TRPM2: variants seen among roughly 807,000 people sequenced by gnomAD.
TRPM2 encodes estrogen-responsive element-associated gene 1 protein.
Under a neutral mutation model 174.0 loss-of-function variants are expected in TRPM2, and 161 were observed. The observed-to-expected ratio is 0.93, with a 90% CI of 0.81 to 1.05. The LOEUF (loss-of-function observed/expected upper bound fraction) is 1.05. Ranked by LOEUF, TRPM2 falls within the 50% of genes least tolerant of loss-of-function variation. The probability of loss-of-function intolerance (pLI) is 0.00; values close to 1 mark genes in which losing one functional copy is unlikely to be tolerated. For missense variants in TRPM2, 2,057 were observed against 2,038.0 expected, an observed-to-expected ratio of 1.01 and a Z score of -0.18; for synonymous variants, 954 against 861.3, an observed-to-expected ratio of 1.11 and a Z score of -1.88.
intron 26 of TRPM2, 91 bp downstream of exon 26, chr21:44,426,827 C>G (rs1173254068): frequency 1.3e-6 from 2 of 1,528,130 alleles, no homozygotes; most frequent in Non-Finnish European, 1.8e-6. Context: ...GAGCCCAGCC[C>G]GGGGAGGTCC....
intron 22 of TRPM2, among the ~76,000 whole-genome samples, chr21:44,422,699 A>G (rs1204989419): frequency 6.6e-6 from 1 of 152,214 alleles, no homozygotes; most frequent in Non-Finnish European, 1.5e-5. Context: ...TTAACCATAA[A>G]CACAGCAGGC....
intron 16 of TRPM2, among the ~76,000 whole-genome samples, chr21:44,402,145 C>T (rs1006246549): frequency 3.3e-5 from 5 of 152,122 alleles, no homozygotes; most frequent in African/African-American, 7.2e-5. Flanking sequence ...TCCTGGAGAC[C>T]GGCTGATCAG....
intron 6 of TRPM2, 68 bp from the exon 7 acceptor site, chr21:44,377,644 G>C (rs1004180596): frequency 1.3e-6 from 2 of 1,597,780 alleles, no homozygotes; most frequent in Non-Finnish European, 1.7e-6. Flanking sequence ...CTTTGTTCAG[G>C]TGTGGCCCTC....
rs555455003 is a variant in TRPM2 at position 44,429,869 on chromosome 21, C to T, written c.3974+2758C>T. ...TATTAACAGGCTTCCTTGTTTCTGA[C>T]TTAATGGAAATGCTATCAACATTTC... is the stretch of plus-strand genomic sequence containing the variant. On this transcript the variant is annotated intron_variant, in intron 27 of 31. Transcript: ENST00000397928. Among the ~76,000 whole-genome samples, 20 of 152,218 alleles carry T rather than the reference C, an allele frequency of 1.3e-4. No individual in the cohort carries two copies. The South Asian group carries it at 3.9e-3, about 30-fold the overall frequency.
At position 44,406,762 on chromosome 21, in the gene TRPM2, G is replaced by C. The variant is rs528691267; in HGVS notation, c.2959G>C (p.Asp987His). The C allele has an allele frequency of 2.1e-5, 34 of 1,600,790 alleles. No homozygotes were observed. Among genetic ancestry groups the C allele is most frequent in the Non-Finnish European group, 2.9e-5 (34 of 1,175,794 alleles). The change falls in exon 19 of 32, where the codon GAC becomes CAC. Residue 987 changes from aspartate (D) to histidine (H), a missense_variant. Transcript: ENST00000397928. The part of the protein sequence containing the change: ...TIFGQIPGYI[D>H]GVNFNPEHCS... ...CTTCGGGCAGATCCCGGGCTACATCGACGGTAGGAGCCGGGCGCCATGGGA... is the reference window on the plus strand; with the variant it reads ...CTTCGGGCAGATCCCGGGCTACATCCACGGTAGGAGCCGGGCGCCATGGGA...
intron 2 of TRPM2, among the ~76,000 whole-genome samples, chr21:44,363,385 T>G (rs1310765756): frequency 6.6e-6 from 1 of 152,202 alleles, no homozygotes; most frequent in Non-Finnish European, 1.5e-5. Context: ...TTTCTCTCTG[T>G]TGTTCTTATT....
intron 19 of TRPM2, among the ~76,000 whole-genome samples, chr21:44,410,908 TTGGC>T (rs1410267298): frequency 5.5e-5 from 8 of 145,934 alleles, no homozygotes; most frequent in South Asian, 2.2e-4. Context: ...ACTGTCTTGG[TTGGC>T]GTAGCCTTGT....
rs764215002 is a variant in TRPM2, at chr21:44,405,941, C to G, written c.2694C>G (p.Ile898Met). Reference sequence around the variant, plus strand: ...CGACGCTGTACCCCGGGCGCGTCATCCTCTCTCTGGACTTCATCCTGTTCT... The same window carrying G: ...CGACGCTGTACCCCGGGCGCGTCATGCTCTCTCTGGACTTCATCCTGTTCT... ...IPATLYPGRVILSLDFILFCL... is the reference protein window; with the variant it reads ...IPATLYPGRVMLSLDFILFCL... Residue 898 changes from isoleucine (I) to methionine (M), a missense_variant, in exon 18 of 32, where the codon ATC becomes ATG. Coordinates refer to ENST00000397928, the MANE Select transcript of TRPM2 (RefSeq NM_003307.4). The G allele has an allele frequency of 9.3e-6, 15 of 1,607,520 alleles. No homozygotes were observed. The East Asian group carries it at 3.3e-4, about 36-fold the overall frequency.
At chr21:44,394,317 CTTTTTTT>C (rs35448660) in intron 11 of TRPM2, among the ~76,000 whole-genome samples, 1 of 112,688 alleles carries the variant, frequency 8.9e-6, no homozygotes, top group Non-Finnish European at 1.9e-5. Context: ...AAACACATTT[CTTTTTTT>C]TTTTTTTTTT....
At chr21:44,385,335 CAT>C (rs2048989027) in intron 9 of TRPM2, among the ~76,000 whole-genome samples, 1 of 152,176 alleles carries the variant, frequency 6.6e-6, no homozygotes, top group African/African-American at 2.4e-5. Flanking sequence ...AAGACTGGGA[CAT>C]AGCAAAAACA....
chr21:44,403,536 A>G (rs1025666072), intron 16 of TRPM2, among the ~76,000 whole-genome samples: 1 of 150,750 alleles, frequency 6.6e-6, no homozygotes, highest in Non-Finnish European at 1.5e-5. Context: ...AAATGCACAC[A>G]CACATAGGCA....
chr21:44,380,728 G>A (rs1334660732), intron 8 of TRPM2, among the ~76,000 whole-genome samples: 2 of 152,198 alleles, frequency 1.3e-5, no homozygotes, highest in African/African-American at 2.4e-5. Flanking sequence ...GCTGGTGGGC[G>A]GCCCCGTCAG....
In TRPM2 at chr21:44,425,830, G is replaced by A. The variant is rs370649950; in HGVS notation, c.3795+3G>A. 122 of 1,564,944 alleles carry A rather than the reference G, an allele frequency of 7.8e-5. No homozygotes were observed. Among genetic ancestry groups the A allele is most frequent in the Middle Eastern group, 2.2e-4 (1 of 4,638 alleles). ...CCAACGAGAAGGTGCCCTGGGAGGT[G>A]AGCGCCTGCCCAAGCCCAACCAGGC... On this transcript the variant is annotated splice_donor_region_variant and intron_variant, in intron 25 of 31. Coordinates refer to ENST00000397928, the MANE Select transcript of TRPM2 (RefSeq NM_003307.4).
At position 44,371,307 on chromosome 21, in the gene TRPM2, G is replaced by A. The variant is rs865850097; in HGVS notation, c.771+1964G>A. 5.6e-3 allele frequency among the ~76,000 whole-genome samples: 656 copies of A among 118,164 alleles called. 7 individuals carry two copies. Among genetic ancestry groups the A allele is most frequent in the Middle Eastern group, 0.029 (4 of 138 alleles). 77.5% of individuals were successfully genotyped at this position (118,164 alleles called of 152,430 possible). A position where few individuals can be genotyped will look rare whatever the true frequency, so the allele number is the denominator to read the frequency against. On this transcript the variant is annotated intron_variant, in intron 5 of 31. Coordinates refer to ENST00000397928, the MANE Select transcript of TRPM2 (RefSeq NM_003307.4). ...GTGTCTGCCTCCGTGTCCCGTGGCCGCCTCCCTCCAGTGTCTGCCTCCGTG... is the reference window on the plus strand; with the variant it reads ...GTGTCTGCCTCCGTGTCCCGTGGCCACCTCCCTCCAGTGTCTGCCTCCGTG...
intron 3 of TRPM2, among the ~76,000 whole-genome samples, chr21:44,365,000 G>A (rs771017622): frequency 7.4e-5 from 11 of 148,786 alleles, no homozygotes; most frequent in South Asian, 6.4e-4. Context: ...TCTGAGACTC[G>A]CGTGTTGACC....
At chr21:44,423,531 A>G (rs2050626446) in intron 22 of TRPM2, 114 bp from the exon 23 acceptor site, 3 of 844,102 alleles carry the variant, frequency 3.6e-6, no homozygotes, top group East Asian at 5.3e-5. Flanking sequence ...GAGGAAGCAA[A>G]GGCTGACACA....
chr21:44,391,009 A>G lies in TRPM2; in HGVS notation c.1424A>G (p.Asp475Gly), dbSNP rs769381277. The G allele has an allele frequency of 1.5e-5, 25 of 1,613,840 alleles. No homozygotes were observed. In the Middle Eastern group the frequency reaches 6.7e-4, roughly 43 times the overall value. ...ATTGCCCGCAGTGAGATCTTCATGG[A>G]TGAGTGGCAGTGGAAGGTAAGTCTT... ...VDIARSEIFMDEWQWKPSDLH... is the reference protein window; with the variant it reads ...VDIARSEIFMGEWQWKPSDLH... The change falls in exon 10 of 32, where the codon GAT becomes GGT. Residue 475 changes from aspartate to glycine, a missense_variant. By Grantham distance (94) the Asp-to-Gly change is moderately conservative. Coordinates refer to ENST00000397928, the MANE Select transcript of TRPM2 (RefSeq NM_003307.4). The surrounding 1 kb of genome is among the most constrained non-coding windows in gnomAD (Gnocchi z 5.0).
chr21:44,425,426 C>T (rs2050725518), intron 24 of TRPM2: 2 of 454,238 alleles, frequency 4.4e-6, no homozygotes, highest in Non-Finnish European at 3.9e-6. Flanking sequence ...TTGCCGAGGG[C>T]CCTGACTGCC....
At chr21:44,394,597 G>A (rs2049284607) in intron 11 of TRPM2, among the ~76,000 whole-genome samples, 1 of 151,320 alleles carries the variant, frequency 6.6e-6, no homozygotes, top group Non-Finnish European at 1.5e-5. Flanking sequence ...GGGATTACAG[G>A]CGTGAGCCAC....
Sources: gnomAD v4.1 joint callset for allele counts (sites outside exome capture counted in the v4.1 genomes callset) on GRCh38, gnomAD v4.1.1 for gene constraint, Gnocchi (gnomAD v3.1) non-coding constraint, MANE v1.5 for transcripts, NCBI Gene and HGNC (gene_info 2026-07-23, HGNC 2026-07-21) for gene names.